The following SCOC variants were observed in gnomAD, a reference collection of about 807,000 sequenced individuals.
The protein encoded by SCOC is short coiled coil protein.
In SCOC, 7 loss-of-function variants were observed where a neutral mutation model predicts 9.9. That is an observed-to-expected ratio of 0.71 (90% confidence interval 0.40 to 1.33). The LOEUF is 1.33. SCOC is among the 40% of genes most tolerant of loss of function. SCOC has a pLI of 0.01. For synonymous variants in SCOC, 19 were observed against 28.2 expected (o/e 0.67, Z 1.03); for missense variants, 66 against 89.7 (o/e 0.74, Z 1.07).
Position 140,349,920 on chromosome 4 carries a change from A to C in SCOC, c.70+6212A>C, listed in dbSNP as rs78706313. 2.8e-3 allele frequency among the ~76,000 whole-genome samples: 421 copies of C among 152,266 alleles called. 1 individual carries two copies. The highest frequency in any genetic ancestry group is 8.9e-3 in the African/African-American group (371 of 41,528). ...AATGCCTCACAGCCCCTGAAGGATA[A>C]AGTCCGATTCACTTAGCATAGCATT... On this transcript the variant is annotated intron_variant, in intron 2 of 4. Coordinates refer to the SCOC transcript ENST00000338517.
intron 1 of SCOC, among the ~76,000 whole-genome samples, chr4:140,273,310 TTTACTC>T (rs1359128419): frequency 1.3e-5 from 2 of 152,250 alleles, no homozygotes; most frequent in Non-Finnish European, 2.9e-5. Flanking sequence ...GAAATGATGT[TTTACTC>T]TATATCTATG....
rs183165410 is a variant in SCOC, at chr4:140,299,224, G to T, written c.-19+41814G>T. ...TGCAATACATAATAATCAAGCAATT[G>T]ATTTCATTTTAAAAATCCAGCAAAC... On this transcript the variant is annotated intron_variant, in intron 1 of 4. Coordinates refer to the SCOC transcript ENST00000394205. 2.4e-3 allele frequency among the ~76,000 whole-genome samples: 370 copies of T among 152,268 alleles called. 2 individuals carry two copies. Among genetic ancestry groups the T allele is most frequent in the African/African-American group, 8.4e-3 (347 of 41,546 alleles).
chr4:140,369,405 G>A, upstream of SCOC: 2 of 303,120 alleles, frequency 6.6e-6, no homozygotes, highest in Non-Finnish European at 6.8e-6. Flanking sequence ...ATTTAGGAAT[G>A]AGATGGAACA....
rs1250256721 is a variant in SCOC, at chr4:140,379,319, C to T, written c.22+127C>T. On this transcript the variant is annotated intron_variant, in intron 2 of 3. Coordinates refer to ENST00000608372, the MANE Select transcript of SCOC (RefSeq NM_001153484.2). The stretch of plus-strand genomic sequence containing the variant: ...ATCTTGGCTAATTACTTATTTATAT[C>T]TCATCTAGTGTTAGAAAGGACCAAC... 38 of 759,842 alleles carry T rather than the reference C, an allele frequency of 5.0e-5. No homozygotes were observed. In the East Asian group the frequency reaches 7.9e-4, roughly 16 times the overall value. The allele number at this position is 759,842 out of a possible 1,614,324, so 47.1% of individuals were successfully genotyped here. A position where few individuals can be genotyped will look rare whatever the true frequency, so the allele number is the denominator to read the frequency against.
chr4:140,340,118 G>A (rs1467807289), upstream of SCOC, among the ~76,000 whole-genome samples: 1 of 152,154 alleles, frequency 6.6e-6, no homozygotes, highest in Non-Finnish European at 1.5e-5. Flanking sequence ...ATACTATGCA[G>A]CCATAAAAAT....
chr4:140,317,265 A>G (rs770723262), intron 1 of SCOC, among the ~76,000 whole-genome samples: 3 of 152,152 alleles, frequency 2.0e-5, no homozygotes, highest in Admixed American at 2.0e-4. Context: ...TTCTGCCTCC[A>G]AACAAAGAAG....
At position 140,329,266 on chromosome 4, in the gene SCOC, G is replaced by A. The variant is rs1205477544; in HGVS notation, c.-18-14355G>A. Among the ~76,000 whole-genome samples the A allele has an allele frequency of 3.9e-5, 6 of 152,070 alleles. No individual in the cohort carries two copies. In the East Asian group the frequency reaches 1.2e-3, roughly 29 times the overall value. On this transcript the variant is annotated intron_variant, in intron 1 of 4. Transcript: ENST00000394205. ...GGCCACATGTCGGAGAATGAAACTG[G>A]ATCCTTGTCTCTCACCTTATACAAA...
Position 140,381,135 on chromosome 4 carries a change from G to T in SCOC, c.*31G>T. 6.5e-7 allele frequency: 1 copy of T among 1,544,402 alleles called. No individual in the cohort carries two copies. Among genetic ancestry groups the T allele is most frequent in the Non-Finnish European group, 8.6e-7 (1 of 1,156,624 alleles). On this transcript the variant is annotated 3_prime_UTR_variant, in exon 4 of 4. Coordinates refer to ENST00000608372, the MANE Select transcript of SCOC (RefSeq NM_001153484.2). ...TGACACCCTTCTGTTTTATGGAATT[G>T]CTGCTGATCATTTTTTCTTTAAAAC...
At position 140,379,132 on chromosome 4, in the gene SCOC, A is replaced by AG. The variant is rs745357922; in HGVS notation, c.-38dup. On this transcript the variant is annotated 5_prime_UTR_variant, in exon 2 of 4. Coordinates refer to ENST00000608372, the MANE Select transcript of SCOC (RefSeq NM_001153484.2). ...TTTTCTTATTGTAGACCATTCCTCA[A>AG]GAATTTTGTATCCAAGGCCCAAAAG... The AG allele has an allele frequency of 1.9e-6, 3 of 1,599,460 alleles. No homozygotes were observed. The highest frequency in any genetic ancestry group is 2.6e-6 in the Non-Finnish European group (3 of 1,166,884).
chr4:140,316,953 C>T (rs185543120), intron 1 of SCOC, among the ~76,000 whole-genome samples: 1 of 152,230 alleles, frequency 6.6e-6, no homozygotes, highest in Non-Finnish European at 1.5e-5. Flanking sequence ...GAGTCATTGT[C>T]GGAGCCTCCC....
At chr4:140,288,395 C>A (rs1731362071) in intron 1 of SCOC, among the ~76,000 whole-genome samples, 1 of 151,950 alleles carries the variant, frequency 6.6e-6, no homozygotes, top group African/African-American at 2.4e-5. Context: ...CATGCAAACA[C>A]CATGCAAATA....
chr4:140,372,588 C>T (rs1728101489), upstream of SCOC, among the ~76,000 whole-genome samples: 1 of 152,104 alleles, frequency 6.6e-6, no homozygotes, highest in South Asian at 2.1e-4. Flanking sequence ...TAAATTTCCT[C>T]AAACTGAATA....
Position 140,373,726 on chromosome 4 carries a change from C to A in SCOC, c.-51+9C>A, listed in dbSNP as rs147538328. ...GGCGCCTCAAGCGGAAGGTGAGGGCCGTCCCGGGCAGCGGAGGGCCTGGCC... is the reference window on the plus strand; with the variant it reads ...GGCGCCTCAAGCGGAAGGTGAGGGCAGTCCCGGGCAGCGGAGGGCCTGGCC... On this transcript the variant is annotated intron_variant, in intron 1 of 3. Coordinates refer to ENST00000608372, the MANE Select transcript of SCOC (RefSeq NM_001153484.2). 1,626 of 1,544,838 alleles carry A rather than the reference C, an allele frequency of 1.1e-3. 10 individuals carry two copies. In the African/African-American group the frequency reaches 0.016, roughly 16 times the overall value.
chr4:140,320,316 A>G (rs1429157716), intron 1 of SCOC, among the ~76,000 whole-genome samples: 2 of 152,106 alleles, frequency 1.3e-5, no homozygotes, highest in Non-Finnish European at 2.9e-5. Context: ...TGAATAACCC[A>G]CCTCTTGTTT....
At chr4:140,376,004 A>G (rs532369049) in intron 1 of SCOC, among the ~76,000 whole-genome samples, 30 of 152,264 alleles carry the variant, frequency 2.0e-4, no homozygotes, top group African/African-American at 7.0e-4. Flanking sequence ...GAGCAGAAGG[A>G]GTTGAAAGTG....
intron 1 of SCOC, among the ~76,000 whole-genome samples, chr4:140,328,524 A>T (rs146494198): frequency 1.0e-3 from 154 of 152,284 alleles, no homozygotes; most frequent in African/African-American, 3.6e-3. Flanking sequence ...ATTTGGGTAC[A>T]CTACTGGCTG....
At chr4:140,350,789 T>C (rs539552478) in intron 2 of SCOC, among the ~76,000 whole-genome samples, 40 of 152,256 alleles carry the variant, frequency 2.6e-4, no homozygotes, top group South Asian at 8.3e-4. Flanking sequence ...TTAAATGAAA[T>C]AATAAAGATG....
At chr4:140,322,780 T>C (rs1314670083) in intron 1 of SCOC, among the ~76,000 whole-genome samples, 8 of 152,034 alleles carry the variant, frequency 5.3e-5, no homozygotes, top group Admixed American at 3.3e-4. Flanking sequence ...AAAACATGTT[T>C]AGGAAAGAAA....
At chr4:140,311,237 A>C (rs1732148022) in intron 1 of SCOC, among the ~76,000 whole-genome samples, 1 of 152,210 alleles carries the variant, frequency 6.6e-6, no homozygotes, top group Non-Finnish European at 1.5e-5. Context: ...TCTCTTAAAA[A>C]TAATAAAAAA....
Sources: gnomAD v4.1 joint callset for allele counts (sites outside exome capture counted in the v4.1 genomes callset) on GRCh38, gnomAD v4.1.1 for gene constraint, MANE v1.5 for transcripts, NCBI Gene and HGNC (gene_info 2026-07-23, HGNC 2026-07-21) for gene names.